Variants in CAMTA1 observed in about 807,000 individuals in gnomAD.
The protein encoded by CAMTA1 is calmodulin binding transcription activator 1.
Under a neutral mutation model 170.9 loss-of-function variants are expected in CAMTA1, and 27 were observed. The observed-to-expected ratio is 0.16, with a 90% confidence interval of 0.12 to 0.22. CAMTA1 has a LOEUF of 0.22. Among genes scored for constraint, CAMTA1 ranks in the 10% least tolerant of loss-of-function variants. The pLI, the probability that CAMTA1 is intolerant of heterozygous loss-of-function variation, is 1.00. For missense variants in CAMTA1, 1,619 were observed against 2,217.2 expected, an observed-to-expected ratio of 0.73 and a Z score of 5.42; for synonymous variants, 833 against 891.5, an observed-to-expected ratio of 0.93 and a Z score of 1.17.
chr1:7,186,910 GA>G (rs1432938289), intron 4 of CAMTA1, among the ~76,000 whole-genome samples: 1 of 152,086 alleles, frequency 6.6e-6, no homozygotes, highest in Non-Finnish European at 1.5e-5. Context: ...GCGGGGGCGT[GA>G]AAATCAGTCT....
intron 1 of CAMTA1, among the ~76,000 whole-genome samples, chr1:6,805,962 C>G (rs980796480): frequency 6.6e-6 from 1 of 151,856 alleles, no homozygotes; most frequent in Admixed American, 6.6e-5. Flanking sequence ...AGGTTTACAC[C>G]TGTGTTTTTT....
At chr1:7,138,143 G>A (rs936283787) in intron 4 of CAMTA1, among the ~76,000 whole-genome samples, 2 of 151,910 alleles carry the variant, frequency 1.3e-5, no homozygotes, top group Admixed American at 6.6e-5. Flanking sequence ...GCACCACCAC[G>A]CCCAGCTAAT....
intron 5 of CAMTA1, among the ~76,000 whole-genome samples, chr1:7,306,920 T>G (rs1164744550): frequency 6.6e-6 from 1 of 151,890 alleles, no homozygotes; most frequent in Non-Finnish European, 1.5e-5. Flanking sequence ...ACATTAGGTA[T>G]TAGGTATTAT....
intron 3 of CAMTA1, among the ~76,000 whole-genome samples, chr1:6,966,573 G>A (rs1691582593): frequency 7.0e-6 from 1 of 143,332 alleles, no homozygotes; most frequent in African/African-American, 2.6e-5. Flanking sequence ...TTCTATTTAT[G>A]TATTCATCAG....
rs12071911 is a variant in CAMTA1 at position 7,326,544 on chromosome 1, G to A, written c.438+76918G>A. ...TATGACTGGTATCCTTAAAGGAAGAGGGAAATTTGGACACAGATACACAGA... is the reference window on the plus strand; with the variant it reads ...TATGACTGGTATCCTTAAAGGAAGAAGGAAATTTGGACACAGATACACAGA... On this transcript the variant is annotated intron_variant, in intron 5 of 22. Coordinates refer to ENST00000303635, the MANE Select transcript of CAMTA1 (RefSeq NM_015215.4). 5.8e-3 allele frequency among the ~76,000 whole-genome samples: 890 copies of A among 152,332 alleles called. 6 individuals carry two copies. The highest frequency in any genetic ancestry group is 0.019 in the African/African-American group (797 of 41,588).
intron 4 of CAMTA1, among the ~76,000 whole-genome samples, chr1:7,143,477 T>C (rs1646004017): frequency 6.6e-6 from 1 of 152,284 alleles, no homozygotes; most frequent in South Asian, 2.1e-4. Context: ...GTGCCACCCA[T>C]TGGCTTTCTC....
At chr1:7,105,484 G>A (rs568205280) in intron 4 of CAMTA1, among the ~76,000 whole-genome samples, 1 of 152,366 alleles carries the variant, frequency 6.6e-6, no homozygotes, top group African/African-American at 2.4e-5. Flanking sequence ...TGGCTCGGAG[G>A]CAGAGGCGGA....
chr1:7,094,041 A>G (rs1356768129), intron 4 of CAMTA1, among the ~76,000 whole-genome samples: 1 of 152,162 alleles, frequency 6.6e-6, no homozygotes, highest in Non-Finnish European at 1.5e-5. Flanking sequence ...AACCTGCTGG[A>G]TGCTTTGACT....
Position 6,825,150 on chromosome 1 carries a change from T to G in CAMTA1, c.174T>G (p.Leu58=), listed in dbSNP as rs763307751. The change falls in exon 3 of 23, where the codon CTT becomes CTG. Residue 58 remains leucine (L), a synonymous_variant. Transcript: ENST00000303635. The stretch of plus-strand genomic sequence containing the variant: ...AAATCTTTTTACCGAAAAAGCTGCT[T>G]GAATGTCTGCCGAAATGTTCAAGTT... ...HVKIFLPKKL[L]ECLPKCSSLP... is the part of the protein sequence containing the mutation. The G allele has an allele frequency of 2.6e-5, 42 of 1,611,980 alleles. No individual in the cohort carries two copies. The East Asian group carries it at 8.5e-4, about 33-fold the overall frequency.
chr1:7,087,345 T>G (rs767753149), intron 3 of CAMTA1, among the ~76,000 whole-genome samples: 2 of 152,232 alleles, frequency 1.3e-5, no homozygotes, highest in Non-Finnish European at 2.9e-5. Flanking sequence ...GTCGAGGATC[T>G]TATGAGTTGA....
At chr1:7,150,502 A>G (rs1323791574) in intron 4 of CAMTA1, among the ~76,000 whole-genome samples, 8 of 151,990 alleles carry the variant, frequency 5.3e-5, no homozygotes, top group Non-Finnish European at 1.0e-4. Flanking sequence ...AGGCTGGATA[A>G]TTCTTCGTTG....
chr1:6,813,710 C>G (rs1645451774), intron 1 of CAMTA1, among the ~76,000 whole-genome samples: 2 of 152,052 alleles, frequency 1.3e-5, no homozygotes, highest in Admixed American at 6.6e-5. Flanking sequence ...CAGCCTTGAA[C>G]TCCTGGGCTC....
chr1:7,741,236 G>A (rs1430454450), intron 16 of CAMTA1, among the ~76,000 whole-genome samples: 2 of 152,150 alleles, frequency 1.3e-5, no homozygotes, highest in Non-Finnish European at 2.9e-5. Context: ...TCGTGATATA[G>A]ATAGATGTGC....
chr1:7,654,804 CACCCACACA>C, intron 7 of CAMTA1, among the ~76,000 whole-genome samples: 1 of 22,098 alleles, frequency 4.5e-5, no homozygotes, highest in Admixed American at 4.8e-4. Flanking sequence ...CCTATACACA[CACCCACACA>C]CACCACACAC....
chr1:7,632,478 G>A (rs566740043), intron 6 of CAMTA1, among the ~76,000 whole-genome samples: 8 of 152,376 alleles, frequency 5.3e-5, no homozygotes, highest in African/African-American at 1.9e-4. Flanking sequence ...ATGCCACTCT[G>A]ATTTATTGAC....
chr1:6,810,057 A>G (rs1326622802), intron 1 of CAMTA1, among the ~76,000 whole-genome samples: 1 of 152,188 alleles, frequency 6.6e-6, no homozygotes, highest in African/African-American at 2.4e-5. Flanking sequence ...TTAGTTATCT[A>G]TAGCTGCTGT....
chr1:7,553,013 C>T (rs1001181328), intron 6 of CAMTA1, among the ~76,000 whole-genome samples: 7 of 152,226 alleles, frequency 4.6e-5, no homozygotes, highest in African/African-American at 1.7e-4. Flanking sequence ...GCAATAGGAA[C>T]AGCCGCAGTC....
At chr1:7,303,172 A>G (rs1166560366) in intron 5 of CAMTA1, among the ~76,000 whole-genome samples, 1 of 152,168 alleles carries the variant, frequency 6.6e-6, no homozygotes, top group Non-Finnish European at 1.5e-5. Context: ...AAGCACCGTT[A>G]TTATTACTTG....
At chr1:7,193,663 G>A (rs1654975538) in intron 4 of CAMTA1, among the ~76,000 whole-genome samples, 1 of 152,136 alleles carries the variant, frequency 6.6e-6, no homozygotes, top group Non-Finnish European at 1.5e-5. Flanking sequence ...GGGTGCGGAA[G>A]CTTGAGCCAC....
Sources: allele counts gnomAD v4.1 joint callset (sites outside exome capture counted in the v4.1 genomes callset), GRCh38; gene constraint gnomAD v4.1.1; transcripts MANE v1.5; gene names NCBI Gene and HGNC (gene_info 2026-07-23, HGNC 2026-07-21).